PYGM: variants seen among roughly 807,000 people sequenced by gnomAD.
The protein encoded by PYGM is glycogen phosphorylase, muscle associated, also known as glycogen phosphorylase, muscle form.
A neutral mutation model predicts 99.3 loss-of-function variants in PYGM; 81 were observed. That is an observed-to-expected ratio of 0.82 (90% CI 0.68 to 0.98). PYGM has a LOEUF of 0.98. PYGM is among the 50% of genes least tolerant of loss of function. The pLI is 0.00. For synonymous variants in PYGM, 436 were observed against 451.5 expected, an observed-to-expected ratio of 0.97 and a Z score of 0.44; for missense variants, 1,030 against 1,158.1, an observed-to-expected ratio of 0.89 and a Z score of 1.61.
rs1482691078 is a variant in PYGM, at chr11:64,754,075, TC to T, written c.1093-51del. The T allele has an allele frequency of 6.3e-7, 1 of 1,598,896 alleles. No individual in the cohort carries two copies. The highest frequency in any genetic ancestry group is 1.7e-5 in the Admixed American group (1 of 57,366). The stretch of plus-strand genomic sequence containing the variant: ...GATGCTGACCTCAGCCCAGTGGGTC[TC>T]CTCACACACTACGCATCCCAGTGGG... On this transcript the variant is annotated intron_variant, in intron 9 of 19. Transcript: ENST00000164139. This position sits in a 1 kb window ranked among gnomAD's most constrained non-coding sequence, Gnocchi z 5.5.
Position 64,753,639 on chromosome 11 carries a change from C to T in PYGM, c.1283G>A (p.Arg428His), listed in dbSNP as rs767293977. The T allele has an allele frequency of 4.5e-5, 73 of 1,608,138 alleles. No homozygotes were observed. The highest frequency in any genetic ancestry group is 5.2e-5 in the Non-Finnish European group (61 of 1,179,162). ...AFPGDVDRLR[R>H]MSLVEEGAVK... ...TGCGCCCTCCTCCACCAGCGACATG[C>T]GCCGCAGCCGGTCTACGTCCCCTGG... Residue 428 changes from arginine (R) to histidine (H), a missense_variant, in exon 11 of 20, where the codon CGC becomes CAC. By Grantham distance (29) the Arg-to-His change is conservative. Coordinates refer to ENST00000164139, the MANE Select transcript of PYGM (RefSeq NM_005609.4).
At chr11:64,757,350 G>C (rs2058400435) in intron 5 of PYGM, among the ~76,000 whole-genome samples, 1 of 152,178 alleles carries the variant, frequency 6.6e-6, no homozygotes, top group Non-Finnish European at 1.5e-5. Flanking sequence ...GAGCCACTGT[G>C]TCTAGATTTG....
At chr11:64,750,112 T>C (rs559776381) in intron 17 of PYGM, among the ~76,000 whole-genome samples, 10 of 152,288 alleles carry the variant, frequency 6.6e-5, no homozygotes, top group South Asian at 2.1e-4. Context: ...ATTTTTTTAC[T>C]TCCATTTCCC....
In PYGM at chr11:64,754,345, C is replaced by T. The variant is rs1233430644; in HGVS notation, c.1000G>A (p.Val334Met). 3 of 1,608,904 alleles carry T rather than the reference C, an allele frequency of 1.9e-6. No individual in the cohort carries two copies. The highest frequency in any genetic ancestry group is 2.7e-5 in the African/African-American group (2 of 74,728). ...RTNFDAFPDK[V>M]AIQLNDTHPS... Reference sequence around the variant, plus strand: ...TGGGTGTCATTGAGCTGGATGGCCACCTGGGGTAGGGGGAGGGGTCAGTCT... The same window carrying T: ...TGGGTGTCATTGAGCTGGATGGCCATCTGGGGTAGGGGGAGGGGTCAGTCT... The change falls in exon 9 of 20, where the codon GTG (valine) becomes ATG (methionine). Residue 334 changes from valine to methionine, a missense_variant and splice_region_variant. By Grantham distance (21) the Val-to-Met change is conservative. Coordinates refer to ENST00000164139, the MANE Select transcript of PYGM (RefSeq NM_005609.4). This position sits in a 1 kb window ranked among gnomAD's most constrained non-coding sequence, Gnocchi z 5.5.
At chr11:64,753,842 C>T (rs1287858452) in intron 10 of PYGM, 37 bp downstream of exon 10, 1 of 1,551,588 alleles carries the variant, frequency 6.4e-7, no homozygotes, top group Admixed American at 1.9e-5. Context: ...GGTGTCCCCC[C>T]TCACCCCCAC....
Position 64,755,524 on chromosome 11 carries a change from G to A in PYGM, c.695C>T (p.Pro232Leu), listed in dbSNP as rs753306635. 2 of 1,614,148 alleles carry A rather than the reference G, an allele frequency of 1.2e-6. No individual in the cohort carries two copies. Among genetic ancestry groups the A allele is most frequent in the South Asian group, 2.2e-5 (2 of 91,090 alleles). The change falls in exon 6 of 20, where the codon CCT becomes CTT. Residue 232 changes from proline to leucine, a missense_variant. Physicochemically the swap from Pro to Leu is moderately conservative, Grantham distance 98. Coordinates refer to ENST00000164139, the MANE Select transcript of PYGM (RefSeq NM_005609.4). The surrounding 1 kb of genome is among the most constrained non-coding windows in gnomAD (Gnocchi z 4.1). ...VLAMPYDTPV[P>L]GYRNNVVNTM... ...GTTGACAACATTGTTGCGATAGCCA[G>A]GCACGGGCGTATCGTAGGGCATGGC...
intron 5 of PYGM, 140 bp downstream of exon 5, chr11:64,757,639 G>T: frequency 7.7e-7 from 1 of 1,304,536 alleles, no homozygotes; most frequent in Non-Finnish European, 1.1e-6. Context: ...CTTCAGCTGT[G>T]TGACTTTGAG....
rs1307783299 is a variant in PYGM, at chr11:64,757,774, C to T, written c.660+5G>A. The T allele has an allele frequency of 6.2e-7, 1 of 1,614,168 alleles. No homozygotes were observed. The highest frequency in any genetic ancestry group is 8.5e-7 in the Non-Finnish European group (1 of 1,180,028). On this transcript the variant is annotated splice_donor_5th_base_variant and intron_variant, in intron 5 of 19. Transcript: ENST00000164139. Reference sequence around the variant, plus strand: ...GGCTCCCCTGACCCCCAGCTTCATCCTCACCTGTGTGTCCACCCACTTGGC... The same window carrying T: ...GGCTCCCCTGACCCCCAGCTTCATCTTCACCTGTGTGTCCACCCACTTGGC...
In PYGM at chr11:64,754,706, G is replaced by A. The variant is rs1474312387; in HGVS notation, c.986C>T (p.Ala329Val). ...CACGCATGGTACCTTATCTGGGAAGGCATCGAAGTTCGTGCGCACGGGATC... is the reference window on the plus strand; with the variant it reads ...CACGCATGGTACCTTATCTGGGAAGACATCGAAGTTCGTGCGCACGGGATC... ...CRDPVRTNFD[A>V]FPDKVAIQLN... is the part of the protein sequence containing the mutation. Residue 329 changes from alanine to valine, a missense_variant, in exon 8 of 20, where the codon GCC becomes GTC. Ala to Val is a moderately conservative substitution (Grantham distance 64). Transcript: ENST00000164139. This position sits in a 1 kb window ranked among gnomAD's most constrained non-coding sequence, Gnocchi z 5.5. 3 of 1,613,538 alleles carry A rather than the reference G, an allele frequency of 1.9e-6. No individual in the cohort carries two copies. The highest frequency in any genetic ancestry group is 2.5e-6 in the Non-Finnish European group (3 of 1,179,996).
intron 16 of PYGM, 185 bp downstream of exon 16, chr11:64,751,139 AC>A: frequency 1.2e-6 from 1 of 823,012 alleles, no homozygotes; most frequent in Non-Finnish European, 1.9e-6. Context: ...TGATCCACCC[AC>A]CTTGGCCTCC....
At position 64,759,952 on chromosome 11, in the gene PYGM, A is replaced by T; in HGVS notation, c.-54T>A. 1 of 1,603,374 alleles carries T rather than the reference A, an allele frequency of 6.2e-7. No homozygotes were observed. The highest frequency in any genetic ancestry group is 8.5e-7 in the Non-Finnish European group (1 of 1,173,812). ...TGATGGTAGAGGGGACGGCGGCCTCAGCACTGCCTCCAGCCAAGGAGTGGA... is the reference window on the plus strand; with the variant it reads ...TGATGGTAGAGGGGACGGCGGCCTCTGCACTGCCTCCAGCCAAGGAGTGGA... On this transcript the variant is annotated 5_prime_UTR_variant, in exon 1 of 20. Coordinates refer to ENST00000164139, the MANE Select transcript of PYGM (RefSeq NM_005609.4).
chr11:64,750,498 G>T lies in PYGM; in HGVS notation c.2055C>A (p.Asn685Lys). 2 of 1,614,186 alleles carry T rather than the reference G, an allele frequency of 1.2e-6. No individual in the cohort carries two copies. ...SGTGNMKFML[N>K]GALTIGTMDG... ...CCATGGTGCCAATGGTCAGAGCCCC[G>T]TTGAGCATGAACTTCATGTTGCCGG... Residue 685 changes from asparagine to lysine, a missense_variant, in exon 17 of 20, where the codon AAC becomes AAA. Physicochemically the swap from Asn to Lys is moderately conservative, Grantham distance 94. Coordinates refer to ENST00000164139, the MANE Select transcript of PYGM (RefSeq NM_005609.4).
In PYGM at chr11:64,754,102, C is replaced by T; in HGVS notation, c.1093-77G>A. ...CTCACACACTACGCATCCCAGTGGG[C>T]CCCCCCACTGCAGTGCCAGGTTCCA... On this transcript the variant is annotated intron_variant, in intron 9 of 19. Coordinates refer to ENST00000164139, the MANE Select transcript of PYGM (RefSeq NM_005609.4). This position sits in a 1 kb window ranked among gnomAD's most constrained non-coding sequence, Gnocchi z 5.5. 1 of 1,590,504 alleles carries T rather than the reference C, an allele frequency of 6.3e-7. No individual in the cohort carries two copies.
At chr11:64,747,748 C>G (rs1365276225) in intron 17 of PYGM, 4 of 332,660 alleles carry the variant, frequency 1.2e-5, no homozygotes, top group Middle Eastern at 2.1e-3. Context: ...AGGTACAACC[C>G]TTCAACTGGG....
rs2058363821 is a variant in PYGM at position 64,752,491 on chromosome 11, TC to T, written c.1531del (p.Asp511ThrfsTer28). 3 of 1,613,866 alleles carry T rather than the reference TC, an allele frequency of 1.9e-6. No individual in the cohort carries two copies. In the East Asian group the frequency reaches 6.7e-5, roughly 36 times the overall value. On this transcript the variant is annotated frameshift_variant, in exon 13 of 20. Coordinates refer to ENST00000164139, the MANE Select transcript of PYGM (RefSeq NM_005609.4). LOFTEE classifies it high-confidence loss of function. The part of the protein sequence containing the change: ...AEVIAERIGE[D>X]FISDLDQLRK... The stretch of plus-strand genomic sequence containing the variant: ...CAGCTGGTCCAGGTCAGAGATGAAG[TC>T]CTCCCCGATGCGCTATGGGAAGACG...
At position 64,746,533 on chromosome 11, in the gene PYGM, A is replaced by C. The variant is rs1468629996; in HGVS notation, c.*126T>G. Reference sequence around the variant, plus strand: ...GGACACTGGGACATTGAGAGTGGGGAAAATGAGGGTTCCAGGAGGGGCTTA... The same window carrying C: ...GGACACTGGGACATTGAGAGTGGGGCAAATGAGGGTTCCAGGAGGGGCTTA... On this transcript the variant is annotated 3_prime_UTR_variant, in exon 20 of 20. Transcript: ENST00000164139. 5 of 1,343,092 alleles carry C rather than the reference A, an allele frequency of 3.7e-6. No homozygotes were observed. Among genetic ancestry groups the C allele is most frequent in the Non-Finnish European group, 5.2e-6 (5 of 954,564 alleles). 83.2% of individuals were successfully genotyped at this position (1,343,092 alleles called of 1,614,324 possible).
At chr11:64,753,764 C>T (rs2058374017) in intron 10 of PYGM, 82 bp from the exon 11 acceptor site, 2 of 1,521,786 alleles carry the variant, frequency 1.3e-6, no homozygotes, top group Non-Finnish European at 1.8e-6. Flanking sequence ...CAGAGCTCTG[C>T]CCAGTGCCCC....
At chr11:64,757,553 C>T (rs1253155991) in intron 5 of PYGM, among the ~76,000 whole-genome samples, 1 of 152,098 alleles carries the variant, frequency 6.6e-6, no homozygotes, top group East Asian at 1.9e-4. Flanking sequence ...ACTGGGGGAG[C>T]AGGGCAGCCT....
Position 64,758,306 on chromosome 11 carries a change from A to G in PYGM, c.468T>C (p.Tyr156=), listed in dbSNP as rs139815072. 2.5e-6 allele frequency: 4 copies of G among 1,614,020 alleles called. No individual in the cohort carries two copies. In the African/African-American group the frequency reaches 5.3e-5, roughly 22 times the overall value. Residue 156 remains tyrosine (Y), a synonymous_variant, in exon 4 of 20, where the codon TAT becomes TAC. Coordinates refer to ENST00000164139, the MANE Select transcript of PYGM (RefSeq NM_005609.4). ...DSMATLGLAA[Y]GYGIRYEFGI... is the part of the protein sequence containing the mutation. ...CAAACTCATAGCGAATCCCGTAGCC[A>G]TAGGCGGCCAGGCCCAGTGTTGCCA...
Sources: allele counts gnomAD v4.1 joint callset (sites outside exome capture counted in the v4.1 genomes callset), GRCh38; gene constraint gnomAD v4.1.1; non-coding constraint Gnocchi (gnomAD v3.1); transcripts MANE v1.5; gene names NCBI Gene and HGNC (gene_info 2026-07-23, HGNC 2026-07-21).